Variants in ZNF804A observed in about 807,000 individuals in gnomAD.
ZNF804A encodes the protein zinc finger protein 804A.
In ZNF804A, 2 loss-of-function variants were observed where a neutral mutation model predicts 16.5. The observed-to-expected ratio is 0.12, with a 90% CI of 0.05 to 0.38. ZNF804A has a LOEUF of 0.38. Among genes scored for constraint, ZNF804A ranks in the 10% least tolerant of loss-of-function variants. The probability of loss-of-function intolerance (pLI) is 0.99; values close to 1 mark genes in which losing one functional copy is unlikely to be tolerated. For missense variants in ZNF804A, 1,473 were observed against 1,390.7 expected (o/e 1.06, Z -0.94); for synonymous variants, 534 against 489.6 (o/e 1.09, Z -1.20).
intron 1 of ZNF804A, among the ~76,000 whole-genome samples, chr2:184,730,655 C>T (rs1054838625): frequency 1.7e-4 from 26 of 152,226 alleles, no homozygotes; most frequent in African/African-American, 6.3e-4. Context: ...GCTTCTTTTA[C>T]TTGGTGCTAT....
At chr2:184,655,118 C>G (rs918938390) in intron 1 of ZNF804A, among the ~76,000 whole-genome samples, 4 of 152,164 alleles carry the variant, frequency 2.6e-5, no homozygotes, top group Admixed American at 6.5e-5. Flanking sequence ...TTCTTACAGG[C>G]TTTTCTATTT....
chr2:184,614,932 TTGG>T (rs1691296342), intron 1 of ZNF804A, among the ~76,000 whole-genome samples: 1 of 152,198 alleles, frequency 6.6e-6, no homozygotes, highest in African/African-American at 2.4e-5. Flanking sequence ...TTTTACACTG[TTGG>T]TGGGAGTGTA....
At chr2:184,640,526 A>G (rs1453027171) in intron 1 of ZNF804A, among the ~76,000 whole-genome samples, 1 of 152,104 alleles carries the variant, frequency 6.6e-6, no homozygotes, top group Non-Finnish European at 1.5e-5. Context: ...TTAGTAACAA[A>G]CACCAGACAA....
chr2:184,803,054 A>T (rs1694749834), intron 1 of ZNF804A, among the ~76,000 whole-genome samples: 2 of 152,222 alleles, frequency 1.3e-5, no homozygotes, highest in African/African-American at 4.8e-5. Flanking sequence ...TATCTGAAAT[A>T]TAGTAAACTA....
At chr2:184,912,480 G>T (rs7594906) in intron 2 of ZNF804A, among the ~76,000 whole-genome samples, 67,385 of 151,806 alleles carry the variant, frequency 0.44, 17,531 homozygotes, top group East Asian at 0.82. Context: ...AAATGGAACT[G>T]CTGGGTCATA....
intron 1 of ZNF804A, among the ~76,000 whole-genome samples, chr2:184,803,619 G>A (rs1694757845): frequency 6.6e-6 from 1 of 152,168 alleles, no homozygotes; most frequent in East Asian, 1.9e-4. Context: ...CAGATTGTGG[G>A]CATGAAATTG....
At chr2:184,682,262 C>A (rs1040564936) in intron 1 of ZNF804A, among the ~76,000 whole-genome samples, 1 of 152,166 alleles carries the variant, frequency 6.6e-6, no homozygotes, top group Admixed American at 6.5e-5. Flanking sequence ...ACAGAAGGCA[C>A]CAGTGGCCAA....
intron 1 of ZNF804A, among the ~76,000 whole-genome samples, chr2:184,647,286 G>A (rs940934972): frequency 2.1e-4 from 32 of 152,272 alleles, no homozygotes; most frequent in African/African-American, 6.3e-4. Flanking sequence ...TGTAATTGCC[G>A]TTATCTCCAG....
intron 1 of ZNF804A, among the ~76,000 whole-genome samples, chr2:184,658,866 T>C (rs562076734): frequency 7.2e-5 from 11 of 152,170 alleles, no homozygotes; most frequent in Non-Finnish European, 1.3e-4. Flanking sequence ...TGTACACTGG[T>C]CCAGTTAAGA....
At chr2:184,789,355 G>A (rs1341876207) in intron 1 of ZNF804A, among the ~76,000 whole-genome samples, 1 of 152,062 alleles carries the variant, frequency 6.6e-6, no homozygotes, top group African/African-American at 2.4e-5. Flanking sequence ...CGTAGAATGA[G>A]TTAAAGAAAG....
At chr2:184,767,397 C>T (rs1418731804) in intron 1 of ZNF804A, among the ~76,000 whole-genome samples, 2 of 152,026 alleles carry the variant, frequency 1.3e-5, no homozygotes, top group Non-Finnish European at 2.9e-5. Context: ...TCTGAAGTAG[C>T]CAAACTCATA....
intron 2 of ZNF804A, among the ~76,000 whole-genome samples, chr2:184,877,947 T>A (rs144279335): frequency 1.6e-3 from 250 of 152,210 alleles, no homozygotes; most frequent in Non-Finnish European, 2.6e-3. Flanking sequence ...GTGTTCTCCT[T>A]TCCCCAGGCA....
intron 1 of ZNF804A, among the ~76,000 whole-genome samples, chr2:184,747,196 A>T (rs1693801601): frequency 6.6e-6 from 1 of 150,910 alleles, no homozygotes; most frequent in African/African-American, 2.4e-5. Context: ...GCCTCTGAAG[A>T]CTTAAATACA....
intron 2 of ZNF804A, among the ~76,000 whole-genome samples, chr2:184,926,505 G>A (rs1353212691): frequency 6.6e-6 from 1 of 151,878 alleles, no homozygotes; most frequent in Non-Finnish European, 1.5e-5. Flanking sequence ...AATCTTCATG[G>A]TGTTCTATAA....
At chr2:184,668,662 A>G (rs564551885) in intron 1 of ZNF804A, among the ~76,000 whole-genome samples, 2 of 152,100 alleles carry the variant, frequency 1.3e-5, no homozygotes, top group South Asian at 4.1e-4. Context: ...AGATATTTGG[A>G]AAGTTATACT....
chr2:184,709,815 G>T (rs1693095499), intron 1 of ZNF804A, among the ~76,000 whole-genome samples: 1 of 148,314 alleles, frequency 6.7e-6, no homozygotes, highest in South Asian at 2.1e-4. Flanking sequence ...AAAATATTGT[G>T]TATTTTAATA....
chr2:184,882,118 C>T (rs970160863), intron 2 of ZNF804A, among the ~76,000 whole-genome samples: 2 of 151,682 alleles, frequency 1.3e-5, no homozygotes, highest in Non-Finnish European at 2.9e-5. Context: ...AAAGAGAAAA[C>T]AGAAAAAAGC....
At chr2:184,861,587 G>A (rs912917873) in intron 1 of ZNF804A, among the ~76,000 whole-genome samples, 1 of 152,122 alleles carries the variant, frequency 6.6e-6, no homozygotes, top group African/African-American at 2.4e-5. Context: ...AAATACAACA[G>A]TAAGGAAAAC....
At chr2:184,876,768 T>A (rs1353818975) in intron 2 of ZNF804A, among the ~76,000 whole-genome samples, 2 of 152,130 alleles carry the variant, frequency 1.3e-5, no homozygotes, top group Non-Finnish European at 2.9e-5. Context: ...CCTTCTGCCA[T>A]CTCCTTTCAG....
Sources: gnomAD v4.1 joint callset for allele counts (sites outside exome capture counted in the v4.1 genomes callset) on GRCh38, gnomAD v4.1.1 for gene constraint, MANE v1.5 for transcripts, NCBI Gene and HGNC (gene_info 2026-07-23, HGNC 2026-07-21) for gene names.